FAM76A: variants seen among roughly 807,000 people sequenced by gnomAD.
FAM76A encodes the protein protein FAM76A.
In FAM76A, 32 loss-of-function variants were observed where a neutral mutation model predicts 46.2. The observed-to-expected ratio is 0.69, with a 90% CI of 0.52 to 0.93. FAM76A has a LOEUF of 0.93. FAM76A is among the 40% of genes least tolerant of loss of function. The pLI, the probability that FAM76A is intolerant of heterozygous loss-of-function variation, is 0.00. For synonymous variants in FAM76A, 137 were observed against 127.0 expected (o/e 1.08, Z -0.53); for missense variants, 274 against 361.5 (o/e 0.76, Z 1.96).
chr1:27,734,474 G>A (rs1379785581), intron 4 of FAM76A, among the ~76,000 whole-genome samples: 3 of 152,124 alleles, frequency 2.0e-5, no homozygotes, highest in African/African-American at 7.2e-5. Flanking sequence ...TTGAACCCGG[G>A]AGGCAGAGGT....
At chr1:27,738,867 T>C (rs2088102550) in intron 4 of FAM76A, among the ~76,000 whole-genome samples, 1 of 152,170 alleles carries the variant, frequency 6.6e-6, no homozygotes, top group East Asian at 1.9e-4. Flanking sequence ...ACTAGGATGA[T>C]GAAAAGGTGG....
chr1:27,758,248 G>A (rs369133037), intron 7 of FAM76A, among the ~76,000 whole-genome samples: 8 of 152,126 alleles, frequency 5.3e-5, no homozygotes, highest in Admixed American at 2.6e-4. Context: ...AGTAAATGGC[G>A]GAACAAGGGA....
intron 1 of FAM76A, among the ~76,000 whole-genome samples, chr1:27,727,245 AATT>A (rs2087876317): frequency 6.6e-6 from 1 of 152,228 alleles, no homozygotes; most frequent in Non-Finnish European, 1.5e-5. Flanking sequence ...TTTGTTTTAC[AATT>A]TATGGCTAGT....
chr1:27,740,400 A>G, intron 4 of FAM76A: 1 of 1,382,028 alleles, frequency 7.2e-7, no homozygotes, highest in Non-Finnish European at 1.0e-6. Flanking sequence ...GCAGAAATTC[A>G]TGGATGATAT....
rs183656211 is a variant in FAM76A at position 27,761,352 on chromosome 1, G to A, written c.*771G>A. ...TGGAGTCTTAAAAACTGATTGCTAA[G>A]GTGAAACAATTCAATGCATAAGTAT... On this transcript the variant is annotated 3_prime_UTR_variant, in exon 9 of 9. Coordinates refer to ENST00000373954, the MANE Select transcript of FAM76A (RefSeq NM_152660.3). The A allele has an allele frequency of 1.7e-3, 252 of 152,560 alleles. 2 individuals are homozygous for A. Among genetic ancestry groups the A allele is most frequent in the African/African-American group, 5.8e-3 (239 of 41,514 alleles). The allele number at this position is 152,560 out of a possible 1,614,324, so 9.5% of individuals were successfully genotyped here.
chr1:27,738,731 ATAAAT>A (rs1375575538), intron 4 of FAM76A, among the ~76,000 whole-genome samples: 1 of 152,208 alleles, frequency 6.6e-6, no homozygotes, highest in Non-Finnish European at 1.5e-5. Context: ...GAGGAGAAAA[ATAAAT>A]TAACATAAAT....
At chr1:27,755,772 A>AT (rs1196117670) in intron 7 of FAM76A, among the ~76,000 whole-genome samples, 1 of 152,060 alleles carries the variant, frequency 6.6e-6, no homozygotes, top group African/African-American at 2.4e-5. Flanking sequence ...ACATGGTCTT[A>AT]TTATGTTGCC....
intron 4 of FAM76A, among the ~76,000 whole-genome samples, chr1:27,743,046 A>G (rs1344210176): frequency 6.6e-6 from 1 of 152,226 alleles, no homozygotes; most frequent in Non-Finnish European, 1.5e-5. Context: ...CCTGGGCAAC[A>G]CAGCAAGACT....
chr1:27,735,497 G>A (rs1310914557), intron 4 of FAM76A, among the ~76,000 whole-genome samples: 1 of 152,178 alleles, frequency 6.6e-6, no homozygotes, highest in African/African-American at 2.4e-5. Context: ...TTTAAGAGGT[G>A]CTTGGGCTCA....
At position 27,762,185 on chromosome 1, in the gene FAM76A, C is replaced by T. The variant is rs936974124; in HGVS notation, c.*1604C>T. On this transcript the variant is annotated 3_prime_UTR_variant, in exon 9 of 9. Coordinates refer to ENST00000373954, the MANE Select transcript of FAM76A (RefSeq NM_152660.3). ...TTGCCTCAACCAGAGTTATGTATGCCCTGCCTATCTTCCCTTCTTAACCCT... is the reference window on the plus strand; with the variant it reads ...TTGCCTCAACCAGAGTTATGTATGCTCTGCCTATCTTCCCTTCTTAACCCT... 2 of 152,052 alleles carry T rather than the reference C, an allele frequency of 1.3e-5. No individual in the cohort carries two copies. The highest frequency in any genetic ancestry group is 2.4e-5 in the African/African-American group (1 of 41,390). 9.4% of individuals were successfully genotyped at this position (152,052 alleles called of 1,614,324 possible).
chr1:27,744,584 C>A, intron 4 of FAM76A, 70 bp from the exon 5 acceptor site: 1 of 1,537,286 alleles, frequency 6.5e-7, no homozygotes. Flanking sequence ...AAGATTCTAG[C>A]TCCCAATACC....
At chr1:27,759,781 T>TTTTTG (rs1553179895) in intron 8 of FAM76A, 154 bp downstream of exon 8, 37 of 587,032 alleles carry the variant, frequency 6.3e-5, no homozygotes, top group African/African-American at 5.9e-4. Context: ...TTTTTTTTGT[T>TTTTTG]TTTTTTTTGA....
Position 27,759,523 on chromosome 1 carries a change from C to T in FAM76A, c.736-3C>T, listed in dbSNP as rs1220507804. 1 of 1,599,856 alleles carries T rather than the reference C, an allele frequency of 6.3e-7. No homozygotes were observed. ...TCTGGTTATTCTGCCTTGTTTCCCT[C>T]AGATTACAGAGTTGAAGGCTGATTT... On this transcript the variant is annotated splice_polypyrimidine_tract_variant and splice_region_variant and intron_variant, in intron 7 of 8. Coordinates refer to ENST00000373954, the MANE Select transcript of FAM76A (RefSeq NM_152660.3).
Position 27,762,658 on chromosome 1 carries a change from GT to G in FAM76A, c.*2082del, listed in dbSNP as rs2088526669. The stretch of plus-strand genomic sequence containing the variant: ...TGGCAGTGCTAAATAGTTTTGTAAA[GT>G]TTTTGAATGAGAAGCTTTTAGGTAA... On this transcript the variant is annotated 3_prime_UTR_variant, in exon 9 of 9. Transcript: ENST00000373954. 1 of 152,198 alleles carries G rather than the reference GT, an allele frequency of 6.6e-6. No homozygotes were observed. Among genetic ancestry groups the G allele is most frequent in the African/African-American group, 2.4e-5 (1 of 41,516 alleles). The allele number at this position is 152,198 out of a possible 1,614,324, so 9.4% of individuals were successfully genotyped here.
intron 6 of FAM76A, among the ~76,000 whole-genome samples, chr1:27,753,219 C>T (rs774923280): frequency 2.1e-4 from 32 of 152,094 alleles, no homozygotes; most frequent in Non-Finnish European, 4.0e-4. Context: ...TGAGGTCAGT[C>T]CCTAACACAG....
At chr1:27,750,101 C>T (rs1284045737) in intron 6 of FAM76A, among the ~76,000 whole-genome samples, 2 of 152,116 alleles carry the variant, frequency 1.3e-5, no homozygotes, top group South Asian at 2.1e-4. Context: ...ACACTTCCTG[C>T]GATCTTTGAA....
chr1:27,753,633 G>T (rs922788047), intron 6 of FAM76A, among the ~76,000 whole-genome samples: 1 of 152,182 alleles, frequency 6.6e-6, no homozygotes, highest in Non-Finnish European at 1.5e-5. Flanking sequence ...CTGAGAGGAG[G>T]GTAGGAATAT....
chr1:27,757,985 A>C (rs1296486623), intron 7 of FAM76A, among the ~76,000 whole-genome samples: 1 of 152,036 alleles, frequency 6.6e-6, no homozygotes, highest in Non-Finnish European at 1.5e-5. Context: ...TCAAAAAAAA[A>C]AAAAAGCCTT....
At chr1:27,735,685 TC>T (rs1259318354) in intron 4 of FAM76A, among the ~76,000 whole-genome samples, 1 of 152,112 alleles carries the variant, frequency 6.6e-6, no homozygotes, top group African/African-American at 2.4e-5. Flanking sequence ...CTGGGTCCCA[TC>T]CGACTCCTGG....
Sources: gnomAD v4.1 joint callset for allele counts (sites outside exome capture counted in the v4.1 genomes callset) on GRCh38, gnomAD v4.1.1 for gene constraint, MANE v1.5 for transcripts, NCBI Gene and HGNC (gene_info 2026-07-23, HGNC 2026-07-21) for gene names.